Variants in USP38 observed in about 807,000 individuals in gnomAD.
USP38 encodes ubiquitin carboxyl-terminal hydrolase 38.
USP38 carries 49 observed loss-of-function variants against 94.3 expected under a neutral mutation model. That is an observed-to-expected ratio of 0.52 (90% CI 0.41 to 0.66). The LOEUF (loss-of-function observed/expected upper bound fraction) is 0.66. USP38 is among the 30% of genes least tolerant of loss of function. The probability of loss-of-function intolerance (pLI) is 0.00; values close to 1 mark genes in which losing one functional copy is unlikely to be tolerated. For missense variants in USP38, 1,128 were observed against 1,229.4 expected, an observed-to-expected ratio of 0.92 and a Z score of 1.23; for synonymous variants, 468 against 463.6, an observed-to-expected ratio of 1.01 and a Z score of -0.12.
At position 143,187,806 on chromosome 4, in the gene USP38, C is replaced by A; in HGVS notation, c.683-20C>A. 6.3e-7 allele frequency: 1 copy of A among 1,579,062 alleles called. No homozygotes were observed. On this transcript the variant is annotated intron_variant, in intron 1 of 9. Transcript: ENST00000307017. ...GAACCTACTTGCCATGTTCCCTTTT[C>A]TTTTTAATTGAAAAAACAGATGCAT...
chr4:143,195,729 C>A lies in USP38; in HGVS notation c.832C>A (p.Leu278Ile). The A allele has an allele frequency of 6.3e-7, 1 of 1,594,670 alleles. No homozygotes were observed. The highest frequency in any genetic ancestry group is 1.8e-5 in the Admixed American group (1 of 55,392). The change falls in exon 3 of 10, where the codon CTA (leucine) becomes ATA (isoleucine). Residue 278 changes from leucine to isoleucine, a missense_variant. Transcript: ENST00000307017. Reference sequence around the variant, plus strand: ...CTTCAATTTCAGAATGATTGACTGGCTATCCTGGCCATTGGCTCAGCATGT... The same window carrying A: ...CTTCAATTTCAGAATGATTGACTGGATATCCTGGCCATTGGCTCAGCATGT... ...TQALCRMIDW[L>I]SWPLAQHVDT...
Position 143,214,688 on chromosome 4 carries a change from G to A in USP38, c.2712G>A (p.Leu904=). The change falls in exon 9 of 10, where the codon TTG becomes TTA. Residue 904 remains leucine, a synonymous_variant. Transcript: ENST00000307017. Reference sequence around the variant, plus strand: ...CCAGTGCAGTTTTTGAACAGGATTTGGAAAATAAGGAAATGTCAAAAGAAT... The same window carrying A: ...CCAGTGCAGTTTTTGAACAGGATTTAGAAAATAAGGAAATGTCAAAAGAAT... ...DSPSAVFEQD[L]ENKEMSKEWF... 6.2e-7 allele frequency: 1 copy of A among 1,613,660 alleles called. No individual in the cohort carries two copies.
At chr4:143,207,643 T>G (rs1441837292) in intron 6 of USP38, among the ~76,000 whole-genome samples, 1 of 143,518 alleles carries the variant, frequency 7.0e-6, no homozygotes, top group African/African-American at 2.7e-5. Flanking sequence ...AGCATTTAAT[T>G]TTTTGGTTTG....
intron 7 of USP38, among the ~76,000 whole-genome samples, chr4:143,211,766 T>C (rs569283643): frequency 1.3e-5 from 2 of 152,320 alleles, no homozygotes; most frequent in East Asian, 3.9e-4. Context: ...GCAGCCTCTA[T>C]ACTTTAAAAC....
chr4:143,213,203 G>T (rs889636783), intron 8 of USP38, among the ~76,000 whole-genome samples: 1 of 152,084 alleles, frequency 6.6e-6, no homozygotes, highest in African/African-American at 2.4e-5. Context: ...AGTTAGTTGG[G>T]CTTGGTATGT....
chr4:143,186,280 T>TTCAC (rs1731222488), intron 1 of USP38, 148 bp downstream of exon 1: 1 of 773,196 alleles, frequency 1.3e-6, no homozygotes, highest in African/African-American at 1.8e-5. Flanking sequence ...TTTATTCACA[T>TTCAC]TCACTACCTT....
At chr4:143,188,175 C>T (rs910625188) in intron 2 of USP38, among the ~76,000 whole-genome samples, 10 of 151,974 alleles carry the variant, frequency 6.6e-5, no homozygotes, top group African/African-American at 2.4e-4. Context: ...TTTTTAATTA[C>T]CAAAATATAC....
At chr4:143,205,706 G>A (rs1731841549) in intron 5 of USP38, among the ~76,000 whole-genome samples, 1 of 152,166 alleles carries the variant, frequency 6.6e-6, no homozygotes, top group South Asian at 2.1e-4. Flanking sequence ...TAGCACTGCA[G>A]TGTATTCTCT....
intron 2 of USP38, among the ~76,000 whole-genome samples, chr4:143,188,546 G>A (rs1342167669): frequency 6.6e-6 from 1 of 152,076 alleles, no homozygotes; most frequent in Non-Finnish European, 1.5e-5. Flanking sequence ...TCCTTTGTGA[G>A]TAGTCAGCTT....
intron 4 of USP38, among the ~76,000 whole-genome samples, 154 bp downstream of exon 4, chr4:143,198,078 G>C (rs556756535): frequency 6.6e-6 from 1 of 152,300 alleles, no homozygotes; most frequent in African/African-American, 2.4e-5. Flanking sequence ...TTGAGATTGT[G>C]AGATTTCCCT....
intron 6 of USP38, among the ~76,000 whole-genome samples, chr4:143,206,778 T>C (rs569677394): frequency 6.6e-6 from 1 of 152,338 alleles, no homozygotes; most frequent in East Asian, 1.9e-4. Context: ...AGAGTTTAAG[T>C]GTGCTAGAGT....
intron 4 of USP38, among the ~76,000 whole-genome samples, chr4:143,198,201 A>G (rs1731609369): frequency 6.6e-6 from 1 of 152,190 alleles, no homozygotes; most frequent in Non-Finnish European, 1.5e-5. Flanking sequence ...TGTTGCACAA[A>G]TGAACAGTAT....
rs899941119 is a variant in USP38 at position 143,223,767 on chromosome 4, C to G, written c.*3311C>G. On this transcript the variant is annotated 3_prime_UTR_variant, in exon 10 of 10. Transcript: ENST00000307017. ...CATATAAAGAGCTCTTTTAAAATGA[C>G]TATTTCAAAAATACTGTACATTTAT... The G allele has an allele frequency of 6.6e-6, 1 of 151,978 alleles. No homozygotes were observed. The highest frequency in any genetic ancestry group is 1.5e-5 in the Non-Finnish European group (1 of 67,994). The allele number at this position is 151,978 out of a possible 1,614,324, so 9.4% of individuals were successfully genotyped here.
At position 143,222,462 on chromosome 4, in the gene USP38, C is replaced by G. The variant is rs977143428; in HGVS notation, c.*2006C>G. ...GATGATTAGATATGATTGCATAGCA[C>G]TTACGTTGTGCTATGTAGTTGTTAT... On this transcript the variant is annotated 3_prime_UTR_variant, in exon 10 of 10. Coordinates refer to ENST00000307017, the MANE Select transcript of USP38 (RefSeq NM_032557.6). 5 of 152,152 alleles carry G rather than the reference C, an allele frequency of 3.3e-5. No homozygotes were observed. Among genetic ancestry groups the G allele is most frequent in the African/African-American group, 9.6e-5 (4 of 41,560 alleles). 9.4% of individuals were successfully genotyped at this position (152,152 alleles called of 1,614,324 possible). A position where few individuals can be genotyped will look rare whatever the true frequency, so the allele number is the denominator to read the frequency against.
chr4:143,185,552 C>T lies in USP38; in HGVS notation c.102C>T (p.Asp34=), dbSNP rs762641102. The T allele has an allele frequency of 1.9e-6, 3 of 1,614,056 alleles. No individual in the cohort carries two copies. In the South Asian group the frequency reaches 3.3e-5, roughly 18 times the overall value. The change falls in exon 1 of 10, where the codon GAC becomes GAT. Residue 34 remains aspartate, a synonymous_variant. Coordinates refer to ENST00000307017, the MANE Select transcript of USP38 (RefSeq NM_032557.6). ...TGGAATCGGCGGAGCACTGGCTAGACGAGGCGCAGTGCGAGGCCATGTTTG... is the reference window on the plus strand; with the variant it reads ...TGGAATCGGCGGAGCACTGGCTAGATGAGGCGCAGTGCGAGGCCATGTTTG... ...KVVESAEHWL[D]EAQCEAMFDL...
chr4:143,212,276 A>C, intron 7 of USP38, 42 bp from the exon 8 acceptor site: 1 of 1,491,998 alleles, frequency 6.7e-7, no homozygotes, highest in Non-Finnish European at 9.2e-7. Context: ...GGTTCATGCT[A>C]TAAGAATCAC....
chr4:143,211,228 T>G (rs1051060534), intron 7 of USP38, among the ~76,000 whole-genome samples: 1 of 152,234 alleles, frequency 6.6e-6, no homozygotes, highest in Non-Finnish European at 1.5e-5. Context: ...CAGTTGAGAC[T>G]GTCTCTGGTA....
chr4:143,218,581 G>T (rs1005880588), intron 9 of USP38, among the ~76,000 whole-genome samples: 6 of 152,032 alleles, frequency 3.9e-5, no homozygotes, highest in Admixed American at 3.9e-4. Flanking sequence ...TTGGGATGTT[G>T]TATATCTTGA....
Position 143,187,949 on chromosome 4 carries a change from A to C in USP38, c.806A>C (p.Gln269Pro). Residue 269 changes from glutamine (Q) to proline (P), a missense_variant, in exon 2 of 10, where the codon CAA (glutamine) becomes CCA (proline). By Grantham distance (76) the Gln-to-Pro change is moderately conservative (BLOSUM62 -1). Coordinates refer to ENST00000307017, the MANE Select transcript of USP38 (RefSeq NM_032557.6). ...AATGTAAAAGATGCAAGTATGACCC[A>C]AGCCCTTTGCAGGTACTTCTTCATG... ...DPNVKDASMT[Q>P]ALCRMIDWLS... is the part of the protein sequence containing the mutation. 4 of 1,612,208 alleles carry C rather than the reference A, an allele frequency of 2.5e-6. No individual in the cohort carries two copies. The highest frequency in any genetic ancestry group is 3.4e-6 in the Non-Finnish European group (4 of 1,179,302).
Sources: gnomAD v4.1 joint callset for allele counts (sites outside exome capture counted in the v4.1 genomes callset) on GRCh38, gnomAD v4.1.1 for gene constraint, MANE v1.5 for transcripts, NCBI Gene and HGNC (gene_info 2026-07-23, HGNC 2026-07-21) for gene names.